The following KIF26B variants were observed in gnomAD, a reference collection of about 807,000 sequenced individuals.
KIF26B encodes the protein kinesin family member 26B.
A neutral mutation model predicts 151.2 loss-of-function variants in KIF26B; 63 were observed. The ratio of observed to expected loss-of-function variants is 0.42; its 90% CI spans 0.34 to 0.51. The LOEUF (loss-of-function observed/expected upper bound fraction) is 0.51. Ranked by LOEUF, KIF26B falls within the 20% of genes least tolerant of loss-of-function variation. The pLI is 0.07. For missense variants in KIF26B, 2,813 were observed against 2,913.6 expected, an observed-to-expected ratio of 0.97 and a Z score of 0.79; for synonymous variants, 1,357 against 1,262.1, an observed-to-expected ratio of 1.08 and a Z score of -1.59.
intron 9 of KIF26B, among the ~76,000 whole-genome samples, chr1:245,636,070 G>A (rs543752374): frequency 6.6e-6 from 1 of 152,212 alleles, no homozygotes; most frequent in Admixed American, 6.5e-5. Context: ...AATGCTTTGT[G>A]TGCACTTCAA....
intron 4 of KIF26B, among the ~76,000 whole-genome samples, chr1:245,539,896 G>A (rs1353059236): frequency 6.6e-6 from 1 of 152,144 alleles, no homozygotes; most frequent in Non-Finnish European, 1.5e-5. Context: ...CAGGTGAGCT[G>A]CCTGCCTCGG....
intron 4 of KIF26B, among the ~76,000 whole-genome samples, chr1:245,465,117 T>C (rs1659754063): frequency 1.7e-5 from 2 of 118,686 alleles, no homozygotes; most frequent in South Asian, 2.8e-4. Flanking sequence ...CAGCTGGGAC[T>C]ACAGGCGCCC....
At position 245,700,966 on chromosome 1, in the gene KIF26B, T is replaced by TAACA. The variant is rs1052314313; in HGVS notation, c.6179-1491_6179-1488dup. ...TCTCCTTCATTTTTGCTATTTTCAT[T>TAACA]AACATTTTATTTTCAAGAACTGTTT... On this transcript the variant is annotated intron_variant, in intron 14 of 14. Coordinates refer to ENST00000407071, the MANE Select transcript of KIF26B (RefSeq NM_018012.4). Among the ~76,000 whole-genome samples, 4 of 152,362 alleles carry TAACA rather than the reference T, an allele frequency of 2.6e-5. No homozygotes were observed. The South Asian group carries it at 6.2e-4, about 24-fold the overall frequency.
intron 11 of KIF26B, among the ~76,000 whole-genome samples, chr1:245,685,073 C>G (rs889013110): frequency 6.6e-6 from 1 of 152,224 alleles, no homozygotes; most frequent in Admixed American, 6.5e-5. Flanking sequence ...CTTTAAATAG[C>G]GTTTCTTAAC....
In KIF26B at chr1:245,451,913, T is replaced by C. The variant is rs1279315319; in HGVS notation, c.1166+32168T>C. On this transcript the variant is annotated intron_variant, in intron 4 of 14. Coordinates refer to ENST00000407071, the MANE Select transcript of KIF26B (RefSeq NM_018012.4). ...CCATGCCTGGCTAAGATCTATCTTTTTAAAAAAATTATTTACTGTGGCAAA... is the reference window on the plus strand; with the variant it reads ...CCATGCCTGGCTAAGATCTATCTTTCTAAAAAAATTATTTACTGTGGCAAA... Among the ~76,000 whole-genome samples, 4 of 152,278 alleles carry C rather than the reference T, an allele frequency of 2.6e-5. No individual in the cohort carries two copies. The East Asian group carries it at 7.7e-4, about 29-fold the overall frequency.
rs57237207 is a variant in KIF26B, at chr1:245,364,369, C to T, written c.466-2465C>T. Among the ~76,000 whole-genome samples the T allele has an allele frequency of 4.5e-3, 675 of 149,906 alleles. 7 individuals are homozygous for T. Among genetic ancestry groups the T allele is most frequent in the African/African-American group, 0.016 (644 of 40,676 alleles). On this transcript the variant is annotated intron_variant, in intron 2 of 14. Transcript: ENST00000407071. ...GTCAAATCCAGACTCCAAGGGCTAG[C>T]GTTGGAAATAAACTGTGATGTGCAG...
At chr1:245,264,176 A>G (rs750823895) in intron 2 of KIF26B, among the ~76,000 whole-genome samples, 47 of 152,222 alleles carry the variant, frequency 3.1e-4, no homozygotes, top group Non-Finnish European at 5.0e-4. Context: ...CTTGGCATGT[A>G]TATTACGAGG....
chr1:245,312,335 C>T (rs1282523039), intron 2 of KIF26B, among the ~76,000 whole-genome samples: 2 of 152,234 alleles, frequency 1.3e-5, no homozygotes, highest in Non-Finnish European at 2.9e-5. Flanking sequence ...GGGAAATTAT[C>T]TGAGCCTGCA....
At chr1:245,302,847 G>C (rs935512521) in intron 2 of KIF26B, among the ~76,000 whole-genome samples, 3 of 151,758 alleles carry the variant, frequency 2.0e-5, no homozygotes, top group African/African-American at 7.3e-5. Flanking sequence ...AAATTAGCTG[G>C]GCGTGGTGGC....
At chr1:245,618,842 A>T (rs999275640) in intron 9 of KIF26B, among the ~76,000 whole-genome samples, 5 of 145,336 alleles carry the variant, frequency 3.4e-5, no homozygotes, top group African/African-American at 5.2e-5. Context: ...GCCCTATTAG[A>T]CTATAGGTTC....
rs369248970 is a variant in KIF26B, at chr1:245,470,586, A to T, written c.1166+50841A>T. Among the ~76,000 whole-genome samples, 9 of 152,032 alleles carry T rather than the reference A, an allele frequency of 5.9e-5. No homozygotes were observed. In the South Asian group the frequency reaches 1.9e-3, roughly 32 times the overall value. On this transcript the variant is annotated intron_variant, in intron 4 of 14. Transcript: ENST00000407071. ...GCTGGGACCACAGGCACCCGCCACC[A>T]CGCCCGGCTAATTTTTTGTATTTTT...
At chr1:245,433,466 CA>C (rs111335967) in intron 4 of KIF26B, among the ~76,000 whole-genome samples, 2,800 of 114,898 alleles carry the variant, frequency 0.024, 75 homozygotes, top group African/African-American at 0.069. Context: ...GACTCTGTCT[CA>C]AAAAAAAAAA....
intron 2 of KIF26B, among the ~76,000 whole-genome samples, chr1:245,341,326 T>G (rs1464306070): frequency 8.9e-6 from 1 of 112,606 alleles, no homozygotes; most frequent in African/African-American, 3.9e-5. Flanking sequence ...TTTTTTTTTT[T>G]TTTTTTTTTT....
intron 2 of KIF26B, among the ~76,000 whole-genome samples, chr1:245,292,420 C>T (rs371454151): frequency 6.6e-6 from 1 of 152,086 alleles, no homozygotes; most frequent in Non-Finnish European, 1.5e-5. Flanking sequence ...GGCTCAGTGT[C>T]GCCGTGTAAG....
At chr1:245,662,629 G>A (rs12745807) in intron 10 of KIF26B, among the ~76,000 whole-genome samples, 58,295 of 98,848 alleles carry the variant, frequency 0.59, 17,601 homozygotes, top group East Asian at 0.75. Context: ...TACACACCCA[G>A]TGATATATAC....
intron 2 of KIF26B, among the ~76,000 whole-genome samples, chr1:245,315,682 A>T (rs1427121673): frequency 6.6e-6 from 1 of 150,594 alleles, no homozygotes; most frequent in Non-Finnish European, 1.5e-5. Context: ...AGATTGCACC[A>T]CTGCACTCCA....
intron 4 of KIF26B, among the ~76,000 whole-genome samples, chr1:245,526,418 C>T (rs1453899828): frequency 6.6e-6 from 1 of 152,176 alleles, no homozygotes; most frequent in Admixed American, 6.5e-5. Context: ...AAATTCTGCC[C>T]GACTTCTGTG....
chr1:245,432,949 T>C (rs1351905587), intron 4 of KIF26B, among the ~76,000 whole-genome samples: 2 of 152,230 alleles, frequency 1.3e-5, no homozygotes, highest in Non-Finnish European at 2.9e-5. Context: ...GGTGAGGTTT[T>C]TATTTTCTTG....
chr1:245,547,120 G>GGCC (rs1661761800), intron 5 of KIF26B, among the ~76,000 whole-genome samples: 2 of 152,226 alleles, frequency 1.3e-5, no homozygotes. Flanking sequence ...CTGCCAGAAG[G>GGCC]GCCATGCTAT....
Sources: allele counts gnomAD v4.1 joint callset (sites outside exome capture counted in the v4.1 genomes callset), GRCh38; gene constraint gnomAD v4.1.1; transcripts MANE v1.5; gene names NCBI Gene and HGNC (gene_info 2026-07-23, HGNC 2026-07-21).